The following ANKRD44 variants were observed in gnomAD, a reference collection of about 807,000 sequenced individuals.
ANKRD44 encodes serine/threonine-protein phosphatase 6 regulatory ankyrin repeat subunit B.
Under a neutral mutation model 116.0 loss-of-function variants are expected in ANKRD44, and 35 were observed. That is an observed-to-expected ratio of 0.30 (90% CI 0.23 to 0.40). ANKRD44 has a LOEUF of 0.40. Among genes scored for constraint, ANKRD44 ranks in the 10% least tolerant of loss-of-function variants. The pLI, the probability that ANKRD44 is intolerant of heterozygous loss-of-function variation, is 1.00. For synonymous variants in ANKRD44, 435 were observed against 461.8 expected (o/e 0.94, Z 0.74); for missense variants, 1,014 against 1,242.6 (o/e 0.82, Z 2.77).
intron 16 of ANKRD44, among the ~76,000 whole-genome samples, chr2:197,056,117 C>T (rs1219144263): frequency 5.9e-5 from 9 of 152,166 alleles, no homozygotes; most frequent in Non-Finnish European, 1.3e-4. Flanking sequence ...AATTGATACT[C>T]CTGCCTCAGC....
chr2:197,308,812 T>C (rs13033821), intron 1 of ANKRD44, among the ~76,000 whole-genome samples: 1 of 152,046 alleles, frequency 6.6e-6, no homozygotes, highest in African/African-American at 2.4e-5. Context: ...TAGGAAGAGA[T>C]GTTTTCTTGT....
intron 1 of ANKRD44, among the ~76,000 whole-genome samples, chr2:197,191,317 G>A (rs2579412): frequency 0.57 from 85,966 of 151,880 alleles, 28,206 homozygotes; most frequent in East Asian, 0.88. Context: ...GAGTGTTGAC[G>A]GCTGCCTTCT....
At chr2:197,266,049 G>T (rs910304033) in intron 1 of ANKRD44, among the ~76,000 whole-genome samples, 7 of 151,892 alleles carry the variant, frequency 4.6e-5, no homozygotes, top group African/African-American at 1.7e-4. Flanking sequence ...GTCACAAACT[G>T]AATACCAGGT....
chr2:197,023,252 T>C (rs767608983), intron 17 of ANKRD44, among the ~76,000 whole-genome samples: 5 of 152,196 alleles, frequency 3.3e-5, no homozygotes, highest in Non-Finnish European at 7.3e-5. Context: ...GTAGGGACAC[T>C]GAGACATAAG....
chr2:197,224,849 T>A (rs1195701867), intron 1 of ANKRD44, among the ~76,000 whole-genome samples: 1 of 152,230 alleles, frequency 6.6e-6, no homozygotes, highest in African/African-American at 2.4e-5. Flanking sequence ...CAGCATGAGA[T>A]CATTTATTAT....
intron 27 of ANKRD44, chr2:196,990,725 C>G: frequency 1.6e-6 from 2 of 1,232,176 alleles, no homozygotes; most frequent in African/African-American, 1.5e-5. Context: ...ACCCATCCTC[C>G]GAGCCTACGT....
intron 1 of ANKRD44, among the ~76,000 whole-genome samples, chr2:197,224,336 T>C (rs1220449872): frequency 1.3e-5 from 2 of 152,204 alleles, no homozygotes; most frequent in African/African-American, 2.4e-5. Flanking sequence ...CCTGTAAATA[T>C]AATAATTTTA....
At chr2:197,002,855 C>A (rs778692735) in intron 21 of ANKRD44, among the ~76,000 whole-genome samples, 7 of 152,086 alleles carry the variant, frequency 4.6e-5, no homozygotes, top group Non-Finnish European at 1.0e-4. Flanking sequence ...GAACTCAGTG[C>A]TAAGTTAGTG....
intron 1 of ANKRD44, among the ~76,000 whole-genome samples, chr2:197,264,978 C>A (rs1051089856): frequency 6.6e-6 from 1 of 152,024 alleles, no homozygotes; most frequent in Admixed American, 6.6e-5. Context: ...AAAATAAAAA[C>A]GATAGTTGGC....
intron 22 of ANKRD44, 29 bp downstream of exon 22, chr2:197,001,724 C>G (rs2076118765): frequency 1.3e-6 from 2 of 1,511,442 alleles, no homozygotes; most frequent in Non-Finnish European, 1.8e-6. Context: ...ATTAAAGCAA[C>G]ATCATTAACT....
At chr2:197,015,392 C>T (rs1340362790) in intron 17 of ANKRD44, 11 of 578,640 alleles carry the variant, frequency 1.9e-5, no homozygotes, top group Non-Finnish European at 3.1e-5. Flanking sequence ...AGAGGATTTG[C>T]TTTTGTAACT....
intron 16 of ANKRD44, among the ~76,000 whole-genome samples, chr2:197,067,939 C>G (rs2077469513): frequency 6.6e-6 from 1 of 151,602 alleles, no homozygotes; most frequent in Non-Finnish European, 1.5e-5. Flanking sequence ...CTATTCACAA[C>G]AGCAAAGACT....
At chr2:197,187,187 T>C in intron 1 of ANKRD44, 81 bp from the exon 2 acceptor site, 2 of 1,417,196 alleles carry the variant, frequency 1.4e-6, no homozygotes, top group East Asian at 2.3e-5. Flanking sequence ...AGAAGATTTG[T>C]TCCTTAAAAG....
At chr2:197,139,848 TTGTGTGTGTG>T (rs71012957) in intron 3 of ANKRD44, among the ~76,000 whole-genome samples, 6,949 of 131,608 alleles carry the variant, frequency 0.053, 216 homozygotes, top group Middle Eastern at 0.099. Flanking sequence ...TAAGCTGCTT[TTGTGTGTGTG>T]TGTGTGTGTG....
At position 196,975,914 on chromosome 2, in the gene ANKRD44, T is replaced by C. The variant is rs1208793196; in HGVS notation, c.2369-8468A>G. 2.0e-5 allele frequency among the ~76,000 whole-genome samples: 3 copies of C among 151,784 alleles called. No homozygotes were observed. The East Asian group carries it at 5.8e-4, about 29-fold the overall frequency. The stretch of plus-strand genomic sequence containing the variant: ...AAGAAATTGATATCCCTTATGAATA[T>C]AGTTACAAAAGTCCTCAACAAAATA... On this transcript the variant is annotated intron_variant, in intron 21 of 21. Transcript: ENST00000424317.
chr2:197,095,893 T>C (rs1396332282), intron 10 of ANKRD44, among the ~76,000 whole-genome samples: 2 of 152,214 alleles, frequency 1.3e-5, no homozygotes, highest in African/African-American at 4.8e-5. Context: ...TCTGTTTGCA[T>C]GTATTTTGTA....
intron 1 of ANKRD44, among the ~76,000 whole-genome samples, chr2:197,289,083 T>A (rs180823404): frequency 6.6e-6 from 1 of 152,286 alleles, no homozygotes; most frequent in African/African-American, 2.4e-5. Context: ...ATAGAAATGA[T>A]AAATACTCAA....
At chr2:197,010,048 T>TGGA (rs1042427454) in intron 18 of ANKRD44, among the ~76,000 whole-genome samples, 23 of 150,558 alleles carry the variant, frequency 1.5e-4, no homozygotes, top group Non-Finnish European at 2.7e-4. Context: ...AGGAGCAGGA[T>TGGA]GGAGGAGGAG....
intron 27 of ANKRD44, chr2:196,990,901 G>A: frequency 8.1e-7 from 1 of 1,232,526 alleles, no homozygotes; most frequent in Non-Finnish European, 1.0e-6. Context: ...TCTTTGTTAG[G>A]AGCGCAAGCC....
Sources: allele counts gnomAD v4.1 joint callset (sites outside exome capture counted in the v4.1 genomes callset), GRCh38; gene constraint gnomAD v4.1.1; transcripts MANE v1.5; gene names NCBI Gene and HGNC (gene_info 2026-07-23, HGNC 2026-07-21).